The following MTSS1 variants were observed in gnomAD, a reference collection of about 807,000 sequenced individuals.
MTSS1 encodes the protein MTSS I-BAR domain containing 1, also known as protein MTSS 1.
In MTSS1, 18 loss-of-function variants were observed where a neutral mutation model predicts 79.0. That is an observed-to-expected ratio of 0.23 (90% confidence interval 0.16 to 0.34). The LOEUF (loss-of-function observed/expected upper bound fraction) is 0.34, where lower values mean the gene tolerates loss of function less well. MTSS1 is among the 10% of genes least tolerant of loss of function. MTSS1 has a pLI of 1.00. For missense variants in MTSS1, 815 were observed against 986.2 expected, an observed-to-expected ratio of 0.83 and a Z score of 2.33; for synonymous variants, 341 against 368.6, an observed-to-expected ratio of 0.93 and a Z score of 0.86.
chr8:124,568,703 C>T, intron 6 of MTSS1, 167 bp from the exon 7 acceptor site: 1 of 1,467,538 alleles, frequency 6.8e-7, no homozygotes, highest in Non-Finnish European at 9.1e-7. Context: ...TTTTCTAGGA[C>T]CAGCCATTTC....
chr8:124,579,333 G>A lies in MTSS1; in HGVS notation c.460+5754C>T, dbSNP rs529568193. On this transcript the variant is annotated intron_variant, in intron 6 of 13. Coordinates refer to ENST00000518547, the MANE Select transcript of MTSS1 (RefSeq NM_014751.6). ...TCCAGAGACAGAAGGCAGATGAGTG[G>A]TTGTCAGGGTCAGCGTGGGTGGGGA... Among the ~76,000 whole-genome samples the A allele has an allele frequency of 9.0e-4, 137 of 152,304 alleles. 1 individual carries two copies. The highest frequency in any genetic ancestry group is 3.1e-3 in the African/African-American group (130 of 41,568).
chr8:124,725,875 C>T (rs1564066270), intron 1 of MTSS1, among the ~76,000 whole-genome samples: 1 of 152,164 alleles, frequency 6.6e-6, no homozygotes, highest in Non-Finnish European at 1.5e-5. Context: ...CATTCCCTCT[C>T]TCTTCATCTC....
intron 3 of MTSS1, among the ~76,000 whole-genome samples, chr8:124,649,635 T>C (rs2134144884): frequency 6.6e-6 from 1 of 152,268 alleles, no homozygotes; most frequent in African/African-American, 2.4e-5. Context: ...TGACCACTGT[T>C]ACTCAAGAAA....
In MTSS1 at chr8:124,568,016, C is replaced by T. The variant is rs561595798; in HGVS notation, c.618+363G>A. 4.6e-4 allele frequency: 552 copies of T among 1,209,762 alleles called. 2 individuals are homozygous for T. The African/African-American group carries it at 6.9e-3, about 15-fold the overall frequency. 74.9% of individuals were successfully genotyped at this position (1,209,762 alleles called of 1,614,324 possible). A position where few individuals can be genotyped will look rare whatever the true frequency, so the allele number is the denominator to read the frequency against. On this transcript the variant is annotated intron_variant, in intron 7 of 13. Transcript: ENST00000518547. ...CTGGAGTGCTCCTTTAAAACACAGA[C>T]GACTGGGTCCCCACCCCCAGAGGTT...
rs1395902788 is a variant in MTSS1 at position 124,552,454 on chromosome 8, T to C, written c.*538A>G. 6.4e-6 allele frequency: 1 copy of C among 155,994 alleles called. No homozygotes were observed. Among genetic ancestry groups the C allele is most frequent in the Non-Finnish European group, 1.4e-5 (1 of 70,256 alleles). 9.7% of individuals were successfully genotyped at this position (155,994 alleles called of 1,614,324 possible). On this transcript the variant is annotated 3_prime_UTR_variant, in exon 14 of 14. Transcript: ENST00000518547. ...TTTACTTCACTCTGAATATTGCTCATCAATTGTTACTCCTGCTCTTTTCAT... is the reference window on the plus strand; with the variant it reads ...TTTACTTCACTCTGAATATTGCTCACCAATTGTTACTCCTGCTCTTTTCAT...
chr8:124,650,319 G>A (rs141503311), intron 3 of MTSS1, among the ~76,000 whole-genome samples: 3 of 152,116 alleles, frequency 2.0e-5, no homozygotes, highest in Non-Finnish European at 2.9e-5. Flanking sequence ...GTGAGCCACC[G>A]CGCCCAGCCA....
At chr8:124,691,945 T>C (rs375282566) in intron 3 of MTSS1, among the ~76,000 whole-genome samples, 2 of 152,126 alleles carry the variant, frequency 1.3e-5, no homozygotes, top group Admixed American at 6.6e-5. Flanking sequence ...TGAAAAAAAA[T>C]TGTTTTCAGT....
intron 3 of MTSS1, among the ~76,000 whole-genome samples, chr8:124,694,732 T>A (rs1828519635): frequency 6.6e-6 from 1 of 152,134 alleles, no homozygotes; most frequent in Admixed American, 6.5e-5. Flanking sequence ...ATTTCTCAGC[T>A]CCTGTAATAG....
In MTSS1 at chr8:124,602,484, G is replaced by A. The variant is rs553796788; in HGVS notation, c.209-11249C>T. ...CAAAGTGCTAGGATTACAGATGTGA[G>A]CCACCATGCCCGGCCTCATAATGGT... On this transcript the variant is annotated intron_variant, in intron 3 of 13. Transcript: ENST00000518547. Among the ~76,000 whole-genome samples the A allele has an allele frequency of 2.6e-5, 4 of 152,194 alleles. No homozygotes were observed. In the East Asian group the frequency reaches 5.8e-4, roughly 22 times the overall value.
chr8:124,639,112 G>A (rs1442115749), intron 3 of MTSS1, among the ~76,000 whole-genome samples: 6 of 152,188 alleles, frequency 3.9e-5, no homozygotes, highest in African/African-American at 7.2e-5. Context: ...CAAGGCAGGC[G>A]GATCACTAGA....
chr8:124,682,124 C>G (rs1826220204), intron 3 of MTSS1, among the ~76,000 whole-genome samples: 1 of 152,234 alleles, frequency 6.6e-6, no homozygotes. Context: ...GGTTCTTAAA[C>G]AGCAGCCATG....
intron 3 of MTSS1, among the ~76,000 whole-genome samples, chr8:124,617,922 G>A (rs1382250569): frequency 1.3e-5 from 2 of 152,194 alleles, no homozygotes; most frequent in African/African-American, 2.4e-5. Context: ...ACTTCCAAGA[G>A]GTGGCCTGGC....
intron 2 of MTSS1, among the ~76,000 whole-genome samples, chr8:124,701,027 A>G (rs1829619973): frequency 1.3e-5 from 2 of 152,158 alleles, no homozygotes; most frequent in African/African-American, 4.8e-5. Flanking sequence ...CAGGAGTTTG[A>G]GACCAGCCTG....
rs1343208565 is a variant in MTSS1 at position 124,660,471 on chromosome 8, C to CACAA, written c.208+39054_208+39055insTTGT. 1.2e-3 allele frequency among the ~76,000 whole-genome samples: 178 copies of CACAA among 150,372 alleles called. 1 individual carries two copies. The highest frequency in any genetic ancestry group is 4.2e-3 in the African/African-American group (171 of 40,296). On this transcript the variant is annotated intron_variant, in intron 3 of 13. Coordinates refer to ENST00000518547, the MANE Select transcript of MTSS1 (RefSeq NM_014751.6). ...ACACACACACACACACACACACACA[C>CACAA]ACCCTCAAGCTGAAGGGTGGAGGCA...
intron 3 of MTSS1, among the ~76,000 whole-genome samples, chr8:124,644,025 G>A (rs1164446945): frequency 2.6e-5 from 4 of 152,240 alleles, no homozygotes; most frequent in Non-Finnish European, 4.4e-5. Flanking sequence ...CTGGAAGCAC[G>A]CCATTAATTG....
At chr8:124,713,872 C>T (rs1342271052) in intron 1 of MTSS1, among the ~76,000 whole-genome samples, 2 of 151,968 alleles carry the variant, frequency 1.3e-5, no homozygotes, top group African/African-American at 2.4e-5. Flanking sequence ...CTCAGTCCCC[C>T]AAGTAGCTGG....
At chr8:124,565,168 G>A (rs1157641216) in intron 9 of MTSS1, among the ~76,000 whole-genome samples, 1 of 152,208 alleles carries the variant, frequency 6.6e-6, no homozygotes, top group African/African-American at 2.4e-5. Flanking sequence ...TGTGGTCGTG[G>A]TAGTGGTGGT....
chr8:124,623,111 T>C (rs959297320), intron 3 of MTSS1, among the ~76,000 whole-genome samples: 11 of 152,252 alleles, frequency 7.2e-5, no homozygotes, highest in African/African-American at 2.4e-4. Flanking sequence ...CTGTCTTGAC[T>C]GAAGGATTCC....
intron 3 of MTSS1, among the ~76,000 whole-genome samples, chr8:124,622,818 G>A (rs1008244792): frequency 1.3e-5 from 2 of 150,030 alleles, no homozygotes; most frequent in Non-Finnish European, 3.0e-5. Flanking sequence ...AAGTAATTAT[G>A]AGAAATGATA....
Sources: gnomAD v4.1 joint callset for allele counts (sites outside exome capture counted in the v4.1 genomes callset) on GRCh38, gnomAD v4.1.1 for gene constraint, MANE v1.5 for transcripts, NCBI Gene and HGNC (gene_info 2026-07-23, HGNC 2026-07-21) for gene names.